The following RYR2 variants were observed in gnomAD, a reference collection of about 807,000 sequenced individuals.
RYR2 encodes cardiac muscle ryanodine receptor-calcium release channel.
Under a neutral mutation model 601.1 loss-of-function variants are expected in RYR2, and 227 were observed. The ratio of observed to expected loss-of-function variants is 0.38; its 90% CI spans 0.34 to 0.42. RYR2 has a LOEUF of 0.42. RYR2 is among the 10% of genes least tolerant of loss of function. The pLI is 1.00. For missense variants in RYR2, 4,646 were observed against 6,156.5 expected, an observed-to-expected ratio of 0.75 and a Z score of 8.21; for synonymous variants, 2,223 against 2,175.1, an observed-to-expected ratio of 1.02 and a Z score of -0.61.
chr1:237,491,887 T>C lies in RYR2; in HGVS notation c.1790T>C (p.Ile597Thr). 7.0e-7 allele frequency: 1 copy of C among 1,422,206 alleles called. No individual in the cohort carries two copies. Among genetic ancestry groups the C allele is most frequent in the Admixed American group, 2.0e-5 (1 of 50,806 alleles). 88.1% of individuals were successfully genotyped at this position (1,422,206 alleles called of 1,614,324 possible). A position where few individuals can be genotyped will look rare whatever the true frequency, so the allele number is the denominator to read the frequency against. The change falls in exon 18 of 105, where the codon ATT (isoleucine) becomes ACT (threonine). Residue 597 changes from isoleucine to threonine, a missense_variant. Physicochemically the swap from Ile to Thr is moderately conservative, Grantham distance 89 (BLOSUM62 -1). Coordinates refer to ENST00000366574, the MANE Select transcript of RYR2 (RefSeq NM_001035.3). ...ATTAAAGAAGGACATATTAAATCTA[T>C]TATCTCACTTTTAGACAAACATGGA... ...NIIKEGHIKS[I>T]ISLLDKHGRN...
At chr1:237,215,042 T>C (rs1194424708) in intron 1 of RYR2, among the ~76,000 whole-genome samples, 5 of 152,200 alleles carry the variant, frequency 3.3e-5, no homozygotes, top group African/African-American at 1.2e-4. Flanking sequence ...GGTGAGGATC[T>C]TTATGGTTTA....
intron 101 of RYR2, among the ~76,000 whole-genome samples, chr1:237,827,699 G>T (rs2102916696): frequency 6.6e-6 from 1 of 151,242 alleles, no homozygotes; most frequent in African/African-American, 2.4e-5. Context: ...AGCACTTTGG[G>T]AGGCCGAGGC....
chr1:237,458,009 T>TA (rs1322396575), intron 16 of RYR2, among the ~76,000 whole-genome samples: 1 of 152,144 alleles, frequency 6.6e-6, no homozygotes, highest in Non-Finnish European at 1.5e-5. Flanking sequence ...CCTACCCCCT[T>TA]ACTTGAGCCA....
chr1:237,746,492 C>G (rs1468606028), intron 80 of RYR2, among the ~76,000 whole-genome samples: 1 of 151,940 alleles, frequency 6.6e-6, no homozygotes, highest in Non-Finnish European at 1.5e-5. Context: ...ACATGGAAAA[C>G]AAGGAAAGAG....
chr1:237,647,084 C>A (rs976379728), intron 48 of RYR2, among the ~76,000 whole-genome samples: 5 of 152,138 alleles, frequency 3.3e-5, no homozygotes, highest in Non-Finnish European at 7.3e-5. Flanking sequence ...CATTTAAATT[C>A]CTTTTTAATG....
At position 237,067,638 on chromosome 1, in the gene RYR2, G is replaced by A. The variant is rs377515158; in HGVS notation, c.48+25069G>A. On this transcript the variant is annotated intron_variant, in intron 1 of 104. Coordinates refer to ENST00000366574, the MANE Select transcript of RYR2 (RefSeq NM_001035.3). ...TCTATATAAATGTTAAAATATTCTT[G>A]TCTATATCTACAAAAAATTTCACCG... Among the ~76,000 whole-genome samples, 37 of 152,130 alleles carry A rather than the reference G, an allele frequency of 2.4e-4. No homozygotes were observed. In the South Asian group the frequency reaches 7.7e-3, roughly 32 times the overall value.
At chr1:237,570,213 A>G (rs1672528921) in intron 29 of RYR2, among the ~76,000 whole-genome samples, 1 of 85,072 alleles carries the variant, frequency 1.2e-5, no homozygotes, top group African/African-American at 3.3e-5. Context: ...GCAAGACTGC[A>G]TCTCAAAAAA....
intron 1 of RYR2, among the ~76,000 whole-genome samples, chr1:237,193,897 A>G (rs1402348826): frequency 6.6e-6 from 1 of 152,220 alleles, no homozygotes; most frequent in Non-Finnish European, 1.5e-5. Context: ...TAGTTTAATA[A>G]AAAATCTCTT....
intron 1 of RYR2, among the ~76,000 whole-genome samples, chr1:237,123,650 A>ATTTTTTT (rs869177997): frequency 1.3e-5 from 1 of 78,928 alleles, no homozygotes; most frequent in Non-Finnish European, 2.3e-5. Flanking sequence ...ATCAGTCACT[A>ATTTTTTT]TTTTTTTTTT....
At chr1:237,083,676 G>A (rs1396553474) in intron 1 of RYR2, among the ~76,000 whole-genome samples, 1 of 152,100 alleles carries the variant, frequency 6.6e-6, no homozygotes, top group East Asian at 1.9e-4. Context: ...AAAGCAAAGT[G>A]CCCTTTAACT....
At chr1:237,317,476 C>A (rs892195568) in intron 2 of RYR2, among the ~76,000 whole-genome samples, 1 of 151,960 alleles carries the variant, frequency 6.6e-6, no homozygotes, top group Non-Finnish European at 1.5e-5. Context: ...TTTCTAATTC[C>A]ATGTTTCAGA....
intron 1 of RYR2, among the ~76,000 whole-genome samples, chr1:237,114,338 T>G (rs1470098425): frequency 6.6e-6 from 1 of 152,210 alleles, no homozygotes; most frequent in Non-Finnish European, 1.5e-5. Context: ...AATTTTAGCC[T>G]TGCAAATAAA....
intron 1 of RYR2, among the ~76,000 whole-genome samples, chr1:237,109,336 G>T (rs1159362932): frequency 8.5e-6 from 1 of 118,166 alleles, no homozygotes; most frequent in Non-Finnish European, 1.9e-5. Flanking sequence ...TTAGAAGATG[G>T]TAAAGCTGGT....
chr1:237,777,844 G>A (rs147193397), intron 87 of RYR2, among the ~76,000 whole-genome samples: 1,621 of 152,286 alleles, frequency 0.011, 18 homozygotes, highest in Middle Eastern at 0.02. Flanking sequence ...ACCAAAGGTG[G>A]GGGCACTTTT....
chr1:237,432,918 T>G (rs1706974351), intron 12 of RYR2, among the ~76,000 whole-genome samples: 1 of 151,746 alleles, frequency 6.6e-6, no homozygotes. Context: ...TTCTAATTCT[T>G]AGATCCCTGA....
chr1:237,184,014 A>G (rs1679071718), intron 1 of RYR2, among the ~76,000 whole-genome samples: 1 of 152,242 alleles, frequency 6.6e-6, no homozygotes, highest in Non-Finnish European at 1.5e-5. Flanking sequence ...AAGATCTTGC[A>G]GTTAAACTGA....
chr1:237,366,748 A>T (rs1700235421), intron 5 of RYR2, among the ~76,000 whole-genome samples: 1 of 151,888 alleles, frequency 6.6e-6, no homozygotes, highest in African/African-American at 2.4e-5. Flanking sequence ...GCCAAGCTTT[A>T]CGGTAAAAGG....
intron 2 of RYR2, among the ~76,000 whole-genome samples, chr1:237,313,777 G>T (rs1694811363): frequency 6.6e-6 from 1 of 152,094 alleles, no homozygotes; most frequent in Non-Finnish European, 1.5e-5. Flanking sequence ...CTAACTTAAT[G>T]AAAATGCTTT....
At chr1:237,472,106 C>A (rs923710033) in intron 17 of RYR2, among the ~76,000 whole-genome samples, 1 of 152,114 alleles carries the variant, frequency 6.6e-6, no homozygotes, top group Non-Finnish European at 1.5e-5. Flanking sequence ...TTTTAATGAA[C>A]TGTTTTTTCT....
Sources: gnomAD v4.1 joint callset for allele counts (sites outside exome capture counted in the v4.1 genomes callset) on GRCh38, gnomAD v4.1.1 for gene constraint, MANE v1.5 for transcripts, NCBI Gene and HGNC (gene_info 2026-07-23, HGNC 2026-07-21) for gene names.